The following SUCLG2 variants were observed in gnomAD, a reference collection of about 807,000 sequenced individuals.
SUCLG2 encodes succinate--CoA ligase [GDP-forming] subunit beta, mitochondrial.
A neutral mutation model predicts 47.9 loss-of-function variants in SUCLG2; 42 were observed. The observed-to-expected ratio is 0.88, with a 90% confidence interval of 0.69 to 1.14. The LOEUF (loss-of-function observed/expected upper bound fraction) is 1.14. SUCLG2 is among the 50% of genes most tolerant of loss of function. The pLI is 0.00. For synonymous variants in SUCLG2, 195 were observed against 197.3 expected (o/e 0.99, Z 0.10); for missense variants, 571 against 525.9 (o/e 1.09, Z -0.84).
chr3:67,456,801 A>G (rs1704197026), intron 9 of SUCLG2, among the ~76,000 whole-genome samples: 1 of 152,228 alleles, frequency 6.6e-6, no homozygotes, highest in African/African-American at 2.4e-5. Context: ...TCAGCTCTGA[A>G]TATTTAAAAG....
At chr3:67,395,473 C>T (rs1390930486) in intron 10 of SUCLG2, among the ~76,000 whole-genome samples, 1 of 152,206 alleles carries the variant, frequency 6.6e-6, no homozygotes, top group East Asian at 1.9e-4. Context: ...GAAGAACTAA[C>T]TATCCTAAAT....
intron 9 of SUCLG2, among the ~76,000 whole-genome samples, chr3:67,479,141 G>A (rs1479038646): frequency 2.0e-5 from 3 of 152,020 alleles, no homozygotes; most frequent in Non-Finnish European, 2.9e-5. Flanking sequence ...GATAGTGAAC[G>A]TATGAAATAA....
intron 10 of SUCLG2, among the ~76,000 whole-genome samples, chr3:67,387,665 G>A (rs942753728): frequency 6.6e-6 from 1 of 152,088 alleles, no homozygotes; most frequent in Non-Finnish European, 1.5e-5. Flanking sequence ...ATACGCAGAT[G>A]ATATTCATGC....
intron 2 of SUCLG2, among the ~76,000 whole-genome samples, chr3:67,576,956 A>C (rs1707757063): frequency 6.6e-6 from 1 of 152,188 alleles, no homozygotes; most frequent in Admixed American, 6.5e-5. Flanking sequence ...AAATGGATTA[A>C]CCACCTGAGT....
At chr3:67,372,099 T>G (rs1240022624), downstream of SUCLG2, among the ~76,000 whole-genome samples, 1 of 152,204 alleles carries the variant, frequency 6.6e-6, no homozygotes, top group Non-Finnish European at 1.5e-5. Context: ...TGGCTGTCAA[T>G]TAATTAGCAT....
At chr3:67,576,884 A>G (rs1335705025) in intron 2 of SUCLG2, among the ~76,000 whole-genome samples, 1 of 152,198 alleles carries the variant, frequency 6.6e-6, no homozygotes, top group East Asian at 1.9e-4. Flanking sequence ...TGCTTCAAAT[A>G]AACTTCACTT....
intron 2 of SUCLG2, among the ~76,000 whole-genome samples, chr3:67,585,535 C>T (rs76974645): frequency 0.026 from 3,901 of 152,200 alleles, 142 homozygotes; most frequent in African/African-American, 0.084. Context: ...ACGGATATTC[C>T]ATCATCTGTC....
chr3:67,543,750 T>C (rs781335795), intron 2 of SUCLG2, among the ~76,000 whole-genome samples: 5 of 152,216 alleles, frequency 3.3e-5, no homozygotes, highest in Non-Finnish European at 5.9e-5. Flanking sequence ...GGGTACAACA[T>C]TATATCTTTT....
At position 67,468,701 on chromosome 3, in the gene SUCLG2, A is replaced by G. The variant is rs148204239; in HGVS notation, c.1062+27097T>C. Reference sequence around the variant, plus strand: ...TCACACGGCTCGGGCTCCATCCACCAATGACTGCAGCTGCATAGCAGACTC... The same window carrying G: ...TCACACGGCTCGGGCTCCATCCACCGATGACTGCAGCTGCATAGCAGACTC... On this transcript the variant is annotated intron_variant, in intron 9 of 10. Transcript: ENST00000307227. Among the ~76,000 whole-genome samples, 682 of 152,220 alleles carry G rather than the reference A, an allele frequency of 4.5e-3. 11 individuals carry two copies. In the East Asian group the frequency reaches 0.058, roughly 13 times the overall value.
downstream of SUCLG2, among the ~76,000 whole-genome samples, chr3:67,371,428 C>T (rs764742795): frequency 4.6e-5 from 7 of 152,150 alleles, no homozygotes; most frequent in Non-Finnish European, 1.0e-4. Flanking sequence ...AAAAGTGCCT[C>T]CAGCCTTTAT....
intron 1 of SUCLG2, among the ~76,000 whole-genome samples, chr3:67,649,710 T>C (rs981598710): frequency 6.6e-6 from 1 of 152,248 alleles, no homozygotes; most frequent in Non-Finnish European, 1.5e-5. Flanking sequence ...TGTACTGATA[T>C]TATCATTTGT....
At chr3:67,598,105 T>C (rs767316105) in intron 2 of SUCLG2, among the ~76,000 whole-genome samples, 3 of 151,944 alleles carry the variant, frequency 2.0e-5, no homozygotes, top group Non-Finnish European at 4.4e-5. Context: ...CTCAGCCTCC[T>C]GAGTAGCTGG....
chr3:67,466,143 A>C (rs953541519), intron 9 of SUCLG2, among the ~76,000 whole-genome samples: 9 of 152,024 alleles, frequency 5.9e-5, no homozygotes, highest in African/African-American at 2.2e-4. Context: ...ACCTGAGGTC[A>C]GGAGTTCGAG....
At chr3:67,556,806 T>A (rs961693490) in intron 2 of SUCLG2, among the ~76,000 whole-genome samples, 5 of 152,108 alleles carry the variant, frequency 3.3e-5, no homozygotes, top group African/African-American at 1.2e-4. Context: ...TAACAAGATG[T>A]TTTTAACATC....
intron 5 of SUCLG2, among the ~76,000 whole-genome samples, chr3:67,519,352 T>C (rs1706034951): frequency 6.6e-6 from 1 of 152,242 alleles, no homozygotes; most frequent in Non-Finnish European, 1.5e-5. Context: ...ATTATCTTAC[T>C]TGTTTTTATG....
intron 9 of SUCLG2, among the ~76,000 whole-genome samples, chr3:67,415,555 T>C (rs1053298964): frequency 6.6e-6 from 1 of 152,230 alleles, no homozygotes; most frequent in African/African-American, 2.4e-5. Flanking sequence ...TCCTAAACCC[T>C]CATGTGACTC....
intron 2 of SUCLG2, among the ~76,000 whole-genome samples, chr3:67,581,625 G>A (rs535247200): frequency 2.0e-5 from 3 of 152,308 alleles, no homozygotes; most frequent in African/African-American, 7.2e-5. Flanking sequence ...TCAAAATCAA[G>A]TTAGGGAGAC....
intron 2 of SUCLG2, among the ~76,000 whole-genome samples, chr3:67,604,781 C>T (rs758014735): frequency 2.0e-5 from 3 of 152,072 alleles, no homozygotes; most frequent in Non-Finnish European, 4.4e-5. Flanking sequence ...AAGAGATCTG[C>T]GAGACAATCC....
chr3:67,620,556 G>A (rs1700716537), intron 1 of SUCLG2, among the ~76,000 whole-genome samples: 1 of 131,174 alleles, frequency 7.6e-6, no homozygotes, highest in African/African-American at 3.0e-5. Flanking sequence ...TTGGACTCCA[G>A]CCTGGGTGAC....
Sources: allele counts gnomAD v4.1 joint callset (sites outside exome capture counted in the v4.1 genomes callset), GRCh38; gene constraint gnomAD v4.1.1; transcripts MANE v1.5; gene names NCBI Gene and HGNC (gene_info 2026-07-23, HGNC 2026-07-21).